UST: variants seen among roughly 807,000 people sequenced by gnomAD.
The protein encoded by UST is chondroitin sulfate 2-O-sulfotransferase.
UST carries 21 observed loss-of-function variants against 45.6 expected under a neutral mutation model. The ratio of observed to expected loss-of-function variants is 0.46; its 90% confidence interval spans 0.33 to 0.66. The LOEUF is 0.66. Ranked by LOEUF, UST falls within the 30% of genes least tolerant of loss-of-function variation. The pLI, the probability that UST is intolerant of heterozygous loss-of-function variation, is 0.02. For synonymous variants in UST, 215 were observed against 200.6 expected, an observed-to-expected ratio of 1.07 and a Z score of -0.61; for missense variants, 463 against 512.4, an observed-to-expected ratio of 0.90 and a Z score of 0.93.
intron 1 of UST, among the ~76,000 whole-genome samples, chr6:148,869,357 A>G (rs1399630919): frequency 6.6e-6 from 1 of 152,132 alleles, no homozygotes; most frequent in African/African-American, 2.4e-5. Context: ...AGATGATAGG[A>G]AAAGGAGAGT....
At chr6:148,900,754 T>C (rs974964550) in intron 2 of UST, among the ~76,000 whole-genome samples, 1 of 152,214 alleles carries the variant, frequency 6.6e-6, no homozygotes, top group Non-Finnish European at 1.5e-5. Context: ...GCAACACACA[T>C]TTATTGTCTT....
chr6:148,963,265 A>G (rs115326777), intron 4 of UST, among the ~76,000 whole-genome samples: 3,607 of 152,038 alleles, frequency 0.024, 160 homozygotes, highest in African/African-American at 0.084. Flanking sequence ...GTTCTTTCTG[A>G]CCCCTGACAG....
chr6:149,071,495 C>T (rs1230880287), intron 7 of UST, among the ~76,000 whole-genome samples: 2 of 151,386 alleles, frequency 1.3e-5, no homozygotes, highest in Non-Finnish European at 2.9e-5. Flanking sequence ...AAAAGACAGG[C>T]AATAAGAAGA....
intron 4 of UST, among the ~76,000 whole-genome samples, chr6:148,958,561 A>G (rs1416887729): frequency 1.3e-5 from 2 of 152,236 alleles, no homozygotes; most frequent in Non-Finnish European, 2.9e-5. Context: ...TTTGCATACT[A>G]TGGTTTCAGG....
At chr6:148,996,345 A>G (rs1282281089) in intron 5 of UST, among the ~76,000 whole-genome samples, 1 of 152,236 alleles carries the variant, frequency 6.6e-6, no homozygotes, top group Admixed American at 6.5e-5. Context: ...CAGCCTCCCA[A>G]GTAGCTGGGA....
intron 1 of UST, among the ~76,000 whole-genome samples, chr6:148,859,898 C>T (rs746001107): frequency 1.3e-5 from 2 of 152,132 alleles, no homozygotes; most frequent in Non-Finnish European, 2.9e-5. Context: ...TTACTGTAGC[C>T]TTGTCATTTA....
chr6:148,817,220 A>G (rs1223505295), intron 1 of UST, among the ~76,000 whole-genome samples: 2 of 152,258 alleles, frequency 1.3e-5, no homozygotes, highest in African/African-American at 2.4e-5. Context: ...AAGCCAAGAA[A>G]TACTAAAGCT....
intron 3 of UST, 147 bp downstream of exon 3, chr6:148,941,581 G>A: frequency 2.1e-6 from 2 of 931,192 alleles, no homozygotes; most frequent in Non-Finnish European, 3.1e-6. Context: ...GAGTGTGGAA[G>A]GAAATTTAAG....
intron 1 of UST, among the ~76,000 whole-genome samples, chr6:148,885,892 G>A (rs1226399030): frequency 6.6e-6 from 1 of 152,174 alleles, no homozygotes; most frequent in Admixed American, 6.5e-5. Context: ...CTGTTCTCTA[G>A]AGGTATTCTT....
Position 148,954,481 on chromosome 6 carries a change from T to C in UST, c.527+530T>C, listed in dbSNP as rs982816580. Among the ~76,000 whole-genome samples, 5 of 152,212 alleles carry C rather than the reference T, an allele frequency of 3.3e-5. 1 individual carries two copies. The highest frequency in any genetic ancestry group is 2.1e-4 in the South Asian group (1 of 4,826). ...ATTATAATATGGTATTTTTACCATA[T>C]CTTTTCTATGTTTAGATACACAAAT... is the stretch of plus-strand genomic sequence containing the variant. On this transcript the variant is annotated intron_variant, in intron 4 of 7. Coordinates refer to ENST00000367463, the MANE Select transcript of UST (RefSeq NM_005715.3).
At chr6:148,926,890 G>A (rs1366979642) in intron 2 of UST, among the ~76,000 whole-genome samples, 1 of 152,086 alleles carries the variant, frequency 6.6e-6, no homozygotes, top group Non-Finnish European at 1.5e-5. Flanking sequence ...AGCAGAATCT[G>A]CTATAGGGGG....
intron 1 of UST, among the ~76,000 whole-genome samples, chr6:148,815,794 G>C (rs1344784202): frequency 6.6e-6 from 1 of 152,152 alleles, no homozygotes; most frequent in Non-Finnish European, 1.5e-5. Context: ...GTGAACTCCT[G>C]TCTTCAGATT....
intron 7 of UST, among the ~76,000 whole-genome samples, chr6:149,043,096 GTTTC>G (rs1776348928): frequency 9.6e-6 from 1 of 104,606 alleles, no homozygotes; most frequent in South Asian, 3.1e-4. Flanking sequence ...TCTTTCTCTT[GTTTC>G]TTTTCATTCT....
intron 2 of UST, among the ~76,000 whole-genome samples, chr6:148,895,543 C>T (rs145359985): frequency 4.7e-4 from 71 of 152,316 alleles, no homozygotes; most frequent in African/African-American, 1.6e-3. Flanking sequence ...GTGTCCCTAC[C>T]AAAATCTCAT....
At chr6:148,974,319 T>TA (rs35513894) in intron 5 of UST, among the ~76,000 whole-genome samples, 108,660 of 149,120 alleles carry the variant, frequency 0.73, 39,326 homozygotes, top group Non-Finnish European at 0.75. Context: ...CTTATAATAT[T>TA]AAAAAAAAAA....
intron 7 of UST, among the ~76,000 whole-genome samples, chr6:149,052,315 A>G (rs978866941): frequency 3.3e-5 from 5 of 152,220 alleles, no homozygotes; most frequent in African/African-American, 1.2e-4. Context: ...CATAATATTA[A>G]TAGTTGTTGT....
chr6:149,033,149 T>C (rs1776181161), intron 7 of UST, among the ~76,000 whole-genome samples: 2 of 152,230 alleles, frequency 1.3e-5, no homozygotes, highest in Admixed American at 1.3e-4. Flanking sequence ...ATGCTTAAAT[T>C]GTCAAGGTCC....
At chr6:148,884,168 A>G (rs1386645590) in intron 1 of UST, among the ~76,000 whole-genome samples, 2 of 151,870 alleles carry the variant, frequency 1.3e-5, no homozygotes, top group African/African-American at 4.8e-5. Context: ...CCCTTTGGCT[A>G]AGGAGCAAAC....
intron 7 of UST, among the ~76,000 whole-genome samples, chr6:149,051,655 C>T (rs779677575): frequency 3.3e-5 from 5 of 152,232 alleles, no homozygotes; most frequent in African/African-American, 4.8e-5. Context: ...CTGATCTCAG[C>T]AGGCTATGGT....
Sources: gnomAD v4.1 joint callset for allele counts (sites outside exome capture counted in the v4.1 genomes callset) on GRCh38, gnomAD v4.1.1 for gene constraint, MANE v1.5 for transcripts, NCBI Gene and HGNC (gene_info 2026-07-23, HGNC 2026-07-21) for gene names.